Variants in KCNIP4 observed in about 807,000 individuals in gnomAD.
KCNIP4 encodes potassium voltage-gated channel interacting protein 4.
A neutral mutation model predicts 34.0 loss-of-function variants in KCNIP4; 12 were observed. The ratio of observed to expected loss-of-function variants is 0.35; its 90% CI spans 0.23 to 0.57. The LOEUF is 0.57. Among genes scored for constraint, KCNIP4 ranks in the 20% least tolerant of loss-of-function variants. The pLI, the probability that KCNIP4 is intolerant of heterozygous loss-of-function variation, is 0.83. For synonymous variants in KCNIP4, 124 were observed against 102.2 expected, an observed-to-expected ratio of 1.21 and a Z score of -1.29; for missense variants, 238 against 311.7, an observed-to-expected ratio of 0.76 and a Z score of 1.78.
At chr4:21,130,204 G>A (rs193041843) in intron 1 of KCNIP4, among the ~76,000 whole-genome samples, 17 of 151,800 alleles carry the variant, frequency 1.1e-4, no homozygotes, top group Non-Finnish European at 1.9e-4. Flanking sequence ...GAATCACCTC[G>A]CAAAATTGTA....
At chr4:21,909,561 G>A (rs1002530296) in intron 1 of KCNIP4, among the ~76,000 whole-genome samples, 4 of 151,956 alleles carry the variant, frequency 2.6e-5, no homozygotes, top group African/African-American at 7.2e-5. Context: ...GGGTTTACTC[G>A]TGTGTTAACT....
chr4:21,329,861 T>C (rs1057284640), intron 1 of KCNIP4, among the ~76,000 whole-genome samples: 2 of 152,196 alleles, frequency 1.3e-5, no homozygotes, highest in Non-Finnish European at 2.9e-5. Context: ...GGGAAGATGA[T>C]ATAAAAACAA....
At chr4:20,898,353 C>T (rs1726784370) in intron 1 of KCNIP4, among the ~76,000 whole-genome samples, 1 of 152,104 alleles carries the variant, frequency 6.6e-6, no homozygotes, top group Admixed American at 6.6e-5. Flanking sequence ...CTTTGGAGAA[C>T]CTTGGGTAGA....
At chr4:20,937,616 AT>A in intron 1 of KCNIP4, among the ~76,000 whole-genome samples, 1 of 152,242 alleles carries the variant, frequency 6.6e-6, no homozygotes, top group South Asian at 2.1e-4. Context: ...GTCATATGAA[AT>A]TTTTGTCTTT....
intron 1 of KCNIP4, among the ~76,000 whole-genome samples, chr4:21,802,253 A>T (rs6819373): frequency 0.98 from 148,769 of 152,128 alleles, 72,834 homozygotes; most frequent in East Asian, 1. Flanking sequence ...GTATGAATAG[A>T]GTTTTTCACT....
intron 1 of KCNIP4, among the ~76,000 whole-genome samples, chr4:21,077,394 T>C (rs1745583999): frequency 6.6e-6 from 1 of 152,154 alleles, no homozygotes; most frequent in Non-Finnish European, 1.5e-5. Flanking sequence ...CTCATTCTAT[T>C]CTCAAGGTTC....
chr4:21,569,231 TTC>T (rs1448991718), intron 1 of KCNIP4, among the ~76,000 whole-genome samples: 1 of 36,518 alleles, frequency 2.7e-5, no homozygotes, highest in Non-Finnish European at 4.3e-5. Flanking sequence ...GACACTGATA[TTC>T]TAAAAAAAAA....
At chr4:21,517,698 C>T (rs771881763) in intron 1 of KCNIP4, among the ~76,000 whole-genome samples, 3 of 152,128 alleles carry the variant, frequency 2.0e-5, no homozygotes, top group East Asian at 1.9e-4. Flanking sequence ...CTGTTGCTGA[C>T]ATATTGACTG....
At chr4:21,398,409 A>G (rs921977175) in intron 1 of KCNIP4, among the ~76,000 whole-genome samples, 5 of 152,186 alleles carry the variant, frequency 3.3e-5, no homozygotes, top group Non-Finnish European at 7.3e-5. Flanking sequence ...AAGATGACCT[A>G]TGTCATTTTA....
chr4:21,606,863 G>T (rs1743729406), intron 1 of KCNIP4, among the ~76,000 whole-genome samples: 1 of 152,026 alleles, frequency 6.6e-6, no homozygotes, highest in Non-Finnish European at 1.5e-5. Flanking sequence ...GCTTGTGCAT[G>T]CCTTCCATGT....
chr4:21,602,100 GCTTCAAATAGGCTT>G lies in KCNIP4; in HGVS notation c.61+346457_61+346470del, dbSNP rs574168715. 1.2e-3 allele frequency among the ~76,000 whole-genome samples: 187 copies of G among 152,188 alleles called. 1 individual carries two copies. The highest frequency in any genetic ancestry group is 2.4e-3 in the Admixed American group (36 of 15,246). On this transcript the variant is annotated intron_variant, in intron 1 of 8. Coordinates refer to ENST00000382152, the MANE Select transcript of KCNIP4 (RefSeq NM_025221.6). ...TGGCTTTGCTTATGTTGTTCCTTCTGCTTCAAATAGGCTTCTTCAACCTTGGGCACTGACTACTT... is the reference window on the plus strand; with the variant it reads ...TGGCTTTGCTTATGTTGTTCCTTCTGCTTCAACCTTGGGCACTGACTACTT...
At chr4:21,668,864 A>C (rs1316958876) in intron 1 of KCNIP4, among the ~76,000 whole-genome samples, 1 of 152,172 alleles carries the variant, frequency 6.6e-6, no homozygotes, top group Non-Finnish European at 1.5e-5. Flanking sequence ...AACCTTAAAC[A>C]ATTTATATTT....
intron 1 of KCNIP4, among the ~76,000 whole-genome samples, chr4:21,653,123 AGT>A (rs142087881): frequency 1.3e-5 from 2 of 151,980 alleles, no homozygotes; most frequent in African/African-American, 4.8e-5. Context: ...TACCCAGAAA[AGT>A]GTGTGTGTGT....
At chr4:21,150,971 T>C (rs1173164782) in intron 1 of KCNIP4, among the ~76,000 whole-genome samples, 2 of 152,220 alleles carry the variant, frequency 1.3e-5, no homozygotes, top group Non-Finnish European at 2.9e-5. Flanking sequence ...CCATTTTGTA[T>C]CTTGTTATCA....
chr4:21,754,771 A>T (rs1416047398), intron 1 of KCNIP4, among the ~76,000 whole-genome samples: 1 of 152,224 alleles, frequency 6.6e-6, no homozygotes, highest in Non-Finnish European at 1.5e-5. Context: ...TAAAGATAAA[A>T]ATACAAAACT....
intron 1 of KCNIP4, among the ~76,000 whole-genome samples, chr4:21,829,120 A>G (rs1722833664): frequency 6.6e-6 from 1 of 151,876 alleles, no homozygotes; most frequent in African/African-American, 2.4e-5. Flanking sequence ...TTGACTTACC[A>G]TTTTTTTACT....
chr4:21,152,175 C>A (rs1237702127), intron 1 of KCNIP4, among the ~76,000 whole-genome samples: 4 of 152,092 alleles, frequency 2.6e-5, no homozygotes, highest in Non-Finnish European at 1.5e-5. Flanking sequence ...ATTGCTTGAA[C>A]CTGGGAGGCA....
intron 1 of KCNIP4, among the ~76,000 whole-genome samples, chr4:21,709,380 T>A (rs1343283927): frequency 6.6e-6 from 1 of 152,118 alleles, no homozygotes; most frequent in Admixed American, 6.5e-5. Context: ...AGAAGAAAGG[T>A]CAATGTTGAA....
chr4:21,011,549 T>C (rs377337941), intron 1 of KCNIP4, among the ~76,000 whole-genome samples: 34 of 152,342 alleles, frequency 2.2e-4, no homozygotes, highest in East Asian at 1.2e-3. Context: ...TACGTATAAT[T>C]TAAATTTATA....
Sources: allele counts gnomAD v4.1 joint callset (sites outside exome capture counted in the v4.1 genomes callset), GRCh38; gene constraint gnomAD v4.1.1; transcripts MANE v1.5; gene names NCBI Gene and HGNC (gene_info 2026-07-23, HGNC 2026-07-21).